Variants in EYA4 observed in about 807,000 individuals in gnomAD.
The protein encoded by EYA4 is protein phosphatase EYA4.
A neutral mutation model predicts 87.9 loss-of-function variants in EYA4; 31 were observed. The observed-to-expected ratio is 0.35, with a 90% CI of 0.27 to 0.48. The LOEUF is 0.48. EYA4 is among the 20% of genes least tolerant of loss of function. The pLI is 0.99. For missense variants in EYA4, 678 were observed against 761.4 expected, an observed-to-expected ratio of 0.89 and a Z score of 1.29; for synonymous variants, 263 against 270.6, an observed-to-expected ratio of 0.97 and a Z score of 0.28.
chr6:133,391,017 G>A (rs538029349), intron 3 of EYA4, among the ~76,000 whole-genome samples: 20 of 152,146 alleles, frequency 1.3e-4, no homozygotes, highest in Non-Finnish European at 2.4e-4. Flanking sequence ...AAATTGAAAG[G>A]TATGGTTTTT....
intron 6 of EYA4, among the ~76,000 whole-genome samples, chr6:133,459,908 C>T (rs971298472): frequency 6.6e-6 from 1 of 152,008 alleles, no homozygotes; most frequent in African/African-American, 2.4e-5. Flanking sequence ...ATACTTACTT[C>T]ATTATCGCTA....
intron 1 of EYA4, among the ~76,000 whole-genome samples, chr6:133,262,313 G>A (rs1408630576): frequency 4.6e-5 from 7 of 152,228 alleles, no homozygotes; most frequent in Non-Finnish European, 7.3e-5. Context: ...CAGGCTACAG[G>A]AGAGCCAGCT....
chr6:133,489,649 A>G (rs1175540428), intron 13 of EYA4, among the ~76,000 whole-genome samples: 2 of 152,126 alleles, frequency 1.3e-5, no homozygotes, highest in African/African-American at 4.8e-5. Context: ...TTACCCTAGA[A>G]TAGTATATCC....
At chr6:133,256,493 T>C (rs908166701) in intron 1 of EYA4, among the ~76,000 whole-genome samples, 2 of 152,008 alleles carry the variant, frequency 1.3e-5, no homozygotes, top group African/African-American at 2.4e-5. Context: ...GCACCTTACA[T>C]ATATTACGAT....
In EYA4 at chr6:133,327,431, C is replaced by G. The variant is rs141029528; in HGVS notation, c.33+52618C>G. Among the ~76,000 whole-genome samples, 22 of 152,224 alleles carry G rather than the reference C, an allele frequency of 1.4e-4. No individual in the cohort carries two copies. The East Asian group carries it at 3.5e-3, about 24-fold the overall frequency. ...ACAGGTGTGAGCCACAGCACCTGGTCTTTAAAATATTTTTTTAAGGAACCT... is the reference window on the plus strand; with the variant it reads ...ACAGGTGTGAGCCACAGCACCTGGTGTTTAAAATATTTTTTTAAGGAACCT... On this transcript the variant is annotated intron_variant, in intron 2 of 19. Coordinates refer to ENST00000355286, the MANE Select transcript of EYA4 (RefSeq NM_004100.5).
chr6:133,267,526 G>A (rs966682916), intron 1 of EYA4, among the ~76,000 whole-genome samples: 4 of 151,980 alleles, frequency 2.6e-5, no homozygotes, highest in African/African-American at 9.7e-5. Context: ...GGGATTACAG[G>A]CGCCCGCCAC....
chr6:133,476,238 T>C (rs1157407828), intron 11 of EYA4, among the ~76,000 whole-genome samples: 3 of 152,134 alleles, frequency 2.0e-5, no homozygotes, highest in African/African-American at 7.2e-5. Context: ...TTACCTCACA[T>C]GCTTATCATT....
chr6:133,342,800 A>G (rs1036189099), intron 2 of EYA4, among the ~76,000 whole-genome samples: 3 of 151,924 alleles, frequency 2.0e-5, no homozygotes, highest in South Asian at 4.2e-4. Flanking sequence ...GAAATTAAAA[A>G]GCACTGATTT....
chr6:133,361,001 G>T (rs1178933115), intron 2 of EYA4, among the ~76,000 whole-genome samples: 10 of 152,160 alleles, frequency 6.6e-5, no homozygotes, highest in Non-Finnish European at 2.9e-5. Context: ...TTGGAAGAAG[G>T]CAGTTCTCCA....
intron 2 of EYA4, among the ~76,000 whole-genome samples, chr6:133,380,895 C>T (rs969272305): frequency 2.1e-5 from 3 of 145,146 alleles, no homozygotes; most frequent in African/African-American, 7.7e-5. Flanking sequence ...TCTTCCCTCC[C>T]CTCCCCTCCC....
intron 2 of EYA4, among the ~76,000 whole-genome samples, chr6:133,376,277 G>A (rs1785674332): frequency 6.6e-6 from 1 of 151,628 alleles, no homozygotes; most frequent in Non-Finnish European, 1.5e-5. Context: ...TGAAGAAGTA[G>A]TCTTACCATC....
intron 3 of EYA4, among the ~76,000 whole-genome samples, chr6:133,396,670 GA>G (rs1193535804): frequency 6.6e-6 from 1 of 152,174 alleles, no homozygotes; most frequent in African/African-American, 2.4e-5. Context: ...AAACAATGAT[GA>G]AAACCATGGT....
chr6:133,245,404 A>G (rs1774325042), intron 1 of EYA4, among the ~76,000 whole-genome samples: 1 of 152,172 alleles, frequency 6.6e-6, no homozygotes, highest in Non-Finnish European at 1.5e-5. Context: ...CTTTTTCTAA[A>G]TGGATATTAT....
chr6:133,300,387 A>G (rs982442848), intron 2 of EYA4, among the ~76,000 whole-genome samples: 1 of 152,198 alleles, frequency 6.6e-6, no homozygotes, highest in African/African-American at 2.4e-5. Flanking sequence ...AATGAGAGTA[A>G]CATAAAATTA....
chr6:133,458,582 G>A (rs1488026283), intron 6 of EYA4, among the ~76,000 whole-genome samples: 1 of 152,078 alleles, frequency 6.6e-6, no homozygotes, highest in Non-Finnish European at 1.5e-5. Flanking sequence ...CCTCTGCACT[G>A]TAAGATGTTT....
Position 133,334,650 on chromosome 6 carries a change from C to G in EYA4, c.34-47742C>G, listed in dbSNP as rs4895381. On this transcript the variant is annotated intron_variant, in intron 2 of 19. Coordinates refer to ENST00000355286, the MANE Select transcript of EYA4 (RefSeq NM_004100.5). ...CCTACATGAGTCTGCATTTGCCAAT[C>G]TACCTATTTGATCTCTCTTAGCAAG... 6.5e-3 allele frequency among the ~76,000 whole-genome samples: 982 copies of G among 152,244 alleles called. 29 individuals carry two copies. In the East Asian group the frequency reaches 0.065, roughly 10 times the overall value.
chr6:133,503,479 G>T (rs1798313021), intron 13 of EYA4, among the ~76,000 whole-genome samples: 1 of 152,110 alleles, frequency 6.6e-6, no homozygotes, highest in African/African-American at 2.4e-5. Context: ...ATATCTTTAG[G>T]GCAGTAATCA....
chr6:133,309,347 T>G (rs930578656), intron 2 of EYA4, among the ~76,000 whole-genome samples: 1 of 152,188 alleles, frequency 6.6e-6, no homozygotes, highest in Non-Finnish European at 1.5e-5. Context: ...TTAAGTAGTG[T>G]CTGATAATGG....
chr6:133,424,509 ACC>A (rs79163156), intron 3 of EYA4, among the ~76,000 whole-genome samples: 66,624 of 143,822 alleles, frequency 0.46, 15,453 homozygotes, highest in East Asian at 0.76. Context: ...GGGAGCAAAC[ACC>A]CCCCCCCCAG....
Sources: allele counts gnomAD v4.1 joint callset (sites outside exome capture counted in the v4.1 genomes callset), GRCh38; gene constraint gnomAD v4.1.1; transcripts MANE v1.5; gene names NCBI Gene and HGNC (gene_info 2026-07-23, HGNC 2026-07-21).